Variants in POLR2E observed in about 807,000 individuals in gnomAD.
POLR2E encodes the protein DNA-directed RNA polymerases I, II, and III subunit RPABC1.
In POLR2E, 35 loss-of-function variants were observed where a neutral mutation model predicts 29.8. The observed-to-expected ratio is 1.17, with a 90% confidence interval of 0.90 to 1.55. The LOEUF (loss-of-function observed/expected upper bound fraction) is 1.55. Ranked by LOEUF, POLR2E falls within the 40% of genes most tolerant of loss-of-function variation. The pLI, the probability that POLR2E is intolerant of heterozygous loss-of-function variation, is 0.00. For missense variants in POLR2E, 287 were observed against 288.6 expected (o/e 0.99, Z 0.04); for synonymous variants, 174 against 112.6 (o/e 1.55, Z -3.45).
At chr19:1,090,063 G>A (rs777757183) in intron 5 of POLR2E, 24 bp downstream of exon 5, 2 of 1,608,584 alleles carry the variant, frequency 1.2e-6, no homozygotes, top group Non-Finnish European at 1.7e-6. Context: ...GGAGGGGCGG[G>A]GCCGGTGGGG....
intron 2 of POLR2E, among the ~76,000 whole-genome samples, chr19:1,092,122 CA>C (rs1242379012): frequency 1.3e-5 from 2 of 152,180 alleles, no homozygotes; most frequent in Non-Finnish European, 2.9e-5. Context: ...GAGACAGGGA[CA>C]GGGGGCTGAC....
intron 2 of POLR2E, among the ~76,000 whole-genome samples, chr19:1,092,498 G>C (rs551265982): frequency 1.3e-5 from 2 of 151,182 alleles, no homozygotes; most frequent in Non-Finnish European, 3.0e-5. Flanking sequence ...TCAGGAGATC[G>C]AGACCACCCT....
In POLR2E at chr19:1,090,899, C is replaced by T. The variant is rs753548161; in HGVS notation, c.429+9G>A. 4.7e-5 allele frequency: 75 copies of T among 1,610,654 alleles called. 1 individual carries two copies. The South Asian group carries it at 6.5e-4, about 14-fold the overall frequency. ...CCCACGCAGGCGGGATTCCGCGGCG[C>T]GCGCCCACCTCGTGCTCCGTGATGT... On this transcript the variant is annotated intron_variant, in intron 4 of 7. Coordinates refer to ENST00000615234, the MANE Select transcript of POLR2E (RefSeq NM_002695.5).
At chr19:1,091,040 AC>A (rs745905168) in intron 3 of POLR2E, 52 bp from the exon 4 acceptor site, 1 of 1,514,118 alleles carries the variant, frequency 6.6e-7, no homozygotes, top group South Asian at 1.1e-5. Flanking sequence ...GACAACCCCA[AC>A]CCCATTTCCT....
intron 6 of POLR2E, 144 bp downstream of exon 6, chr19:1,089,738 AAG>A: frequency 2.5e-6 from 2 of 798,770 alleles, no homozygotes; most frequent in Middle Eastern, 3.5e-4. Flanking sequence ...CCCTGGCTTT[AAG>A]AGGGGGATAT....
chr19:1,091,536 C>T, intron 3 of POLR2E: 1 of 521,930 alleles, frequency 1.9e-6, no homozygotes, highest in Non-Finnish European at 3.5e-6. Context: ...CCCACAGGAG[C>T]TGGCGAGAGG....
chr19:1,090,149 C>G lies in POLR2E; in HGVS notation c.430-4G>C. 1.2e-6 allele frequency: 2 copies of G among 1,612,438 alleles called. No homozygotes were observed. The highest frequency in any genetic ancestry group is 1.7e-6 in the Non-Finnish European group (2 of 1,179,834). On this transcript the variant is annotated splice_region_variant and splice_polypyrimidine_tract_variant and intron_variant, in intron 4 of 7. Coordinates refer to ENST00000615234, the MANE Select transcript of POLR2E (RefSeq NM_002695.5). ...TGACGACGTGCTCAGGGACTAGCTG[C>G]CGAGAGAGGAAGCCACCAGGCATCA...
Position 1,093,716 on chromosome 19 carries a change from C to A in POLR2E, c.232+188G>T, listed in dbSNP as rs2043886352. Reference sequence around the variant, plus strand: ...GACTGAGAGGGAAACTAGAAAGAAGCTGAGCATGAGAGGGGTCAGAGATCA... The same window carrying A: ...GACTGAGAGGGAAACTAGAAAGAAGATGAGCATGAGAGGGGTCAGAGATCA... On this transcript the variant is annotated intron_variant, in intron 2 of 7. Transcript: ENST00000615234. 19 of 1,375,270 alleles carry A rather than the reference C, an allele frequency of 1.4e-5. No homozygotes were observed. In the East Asian group the frequency reaches 5.6e-4, roughly 40 times the overall value. 85.2% of individuals were successfully genotyped at this position (1,375,270 alleles called of 1,614,324 possible).
Position 1,091,927 on chromosome 19 carries a change from T to C in POLR2E, c.233-20A>G, listed in dbSNP as rs762384872. 6.4e-7 allele frequency: 1 copy of C among 1,553,608 alleles called. No individual in the cohort carries two copies. The highest frequency in any genetic ancestry group is 1.1e-5 in the South Asian group (1 of 89,930). Reference sequence around the variant, plus strand: ...GCTCCTCTGCAGACAGAGAGTGTGCTGGCCTGCACGAGCCTGGGCCCTCGT... The same window carrying C: ...GCTCCTCTGCAGACAGAGAGTGTGCCGGCCTGCACGAGCCTGGGCCCTCGT... On this transcript the variant is annotated intron_variant, in intron 2 of 7. Transcript: ENST00000615234.
chr19:1,093,480 G>A (rs1390653977), intron 2 of POLR2E, among the ~76,000 whole-genome samples: 1 of 152,152 alleles, frequency 6.6e-6, no homozygotes, highest in Admixed American at 6.5e-5. Context: ...GGCATGGGGT[G>A]CGGAGGAATG....
intron 3 of POLR2E, 168 bp downstream of exon 3, chr19:1,091,624 C>G: frequency 1.6e-6 from 1 of 607,968 alleles, no homozygotes; most frequent in Non-Finnish European, 3.0e-6. Context: ...CCCATGGACG[C>G]GGTGGGAGGG....
In POLR2E at chr19:1,088,380, C is replaced by T. The variant is rs574851599; in HGVS notation, c.*355G>A. The T allele has an allele frequency of 5.2e-5, 8 of 152,578 alleles. No individual in the cohort carries two copies. The highest frequency in any genetic ancestry group is 1.0e-4 in the Non-Finnish European group (7 of 68,168). The allele number at this position is 152,578 out of a possible 1,614,324, so 9.5% of individuals were successfully genotyped here. ...AAGACGAGGGGTGGAAGGCCGAGGG[C>T]CCAGGAGGAAGCAGTGGCTGGTGGG... On this transcript the variant is annotated 3_prime_UTR_variant, in exon 8 of 8. Coordinates refer to ENST00000615234, the MANE Select transcript of POLR2E (RefSeq NM_002695.5).
At chr19:1,091,764 G>T in intron 3 of POLR2E, 28 bp downstream of exon 3, 1 of 1,435,098 alleles carries the variant, frequency 7.0e-7, no homozygotes. Context: ...AGGGGGAGAG[G>T]CTGGCGGGGT....
At position 1,086,730 on chromosome 19, in the gene POLR2E, C is replaced by T. The variant is rs2043678243; in HGVS notation, c.*2005G>A. ...ACAGAGAGAGCCCCGTGGCGTGGCC[C>T]TGGGCCTCCCCCTAGGGGAGGGATG... On this transcript the variant is annotated 3_prime_UTR_variant, in exon 8 of 8. Coordinates refer to ENST00000615234, the MANE Select transcript of POLR2E (RefSeq NM_002695.5). 1 of 152,112 alleles carries T rather than the reference C, an allele frequency of 6.6e-6. No homozygotes were observed. Among genetic ancestry groups the T allele is most frequent in the South Asian group, 2.1e-4 (1 of 4,834 alleles). 9.4% of individuals were successfully genotyped at this position (152,112 alleles called of 1,614,324 possible). A position where few individuals can be genotyped will look rare whatever the true frequency, so the allele number is the denominator to read the frequency against.
At chr19:1,089,451 C>T (rs750431331) in intron 7 of POLR2E, 21 bp downstream of exon 7, 1 of 1,557,352 alleles carries the variant, frequency 6.4e-7, no homozygotes, top group Non-Finnish European at 8.9e-7. Context: ...CACCTCAGTG[C>T]CTGTCCCTCG....
chr19:1,093,983 C>A lies in POLR2E; in HGVS notation c.153G>T (p.Gly51=), dbSNP rs768144108. ...KAQSGDKPSE[G]RPRRTDLTVL... ...CGGTGAGGTCCGTGCGCCGCGGCCG[C>A]CCCTCACTCGGCTTGTCCCCAGATT... Residue 51 remains glycine, a synonymous_variant, in exon 2 of 8, where the codon GGG becomes GGT. Coordinates refer to ENST00000615234, the MANE Select transcript of POLR2E (RefSeq NM_002695.5). 6.2e-7 allele frequency: 1 copy of A among 1,613,802 alleles called. No individual in the cohort carries two copies.
intron 4 of POLR2E, among the ~76,000 whole-genome samples, chr19:1,090,438 C>A (rs928140946): frequency 6.9e-6 from 1 of 145,036 alleles, no homozygotes; most frequent in Non-Finnish European, 1.5e-5. Context: ...ATTCTACAGG[C>A]TGGGGTGGGC....
rs2043758285 is a variant in POLR2E, at chr19:1,088,481, G to T, written c.*254C>A. 1 of 152,418 alleles carries T rather than the reference G, an allele frequency of 6.6e-6. No homozygotes were observed. Among genetic ancestry groups the T allele is most frequent in the East Asian group, 1.9e-4 (1 of 5,194 alleles). 9.4% of individuals were successfully genotyped at this position (152,418 alleles called of 1,614,324 possible). On this transcript the variant is annotated 3_prime_UTR_variant, in exon 8 of 8. Transcript: ENST00000615234. ...AAGACCCGGCACCAGCTGCCCCCAG[G>T]TGACCTCCCTCTGGGGGCCTTGTTC...
intron 2 of POLR2E, among the ~76,000 whole-genome samples, chr19:1,093,320 G>T (rs533519490): frequency 9.1e-4 from 139 of 152,366 alleles, no homozygotes; most frequent in Non-Finnish European, 1.6e-3. Context: ...TCCCCCAACC[G>T]CTGAGGGCTT....
Sources: gnomAD v4.1 joint callset for allele counts (sites outside exome capture counted in the v4.1 genomes callset) on GRCh38, gnomAD v4.1.1 for gene constraint, MANE v1.5 for transcripts, NCBI Gene and HGNC (gene_info 2026-07-23, HGNC 2026-07-21) for gene names.